RBM24: variants seen among roughly 807,000 people sequenced by gnomAD.
RBM24 encodes RNA-binding protein 24.
Under a neutral mutation model 23.6 loss-of-function variants are expected in RBM24, and 5 were observed. That is an observed-to-expected ratio of 0.21 (90% CI 0.11 to 0.45). RBM24 has a LOEUF of 0.45. Ranked by LOEUF, RBM24 falls within the 20% of genes least tolerant of loss-of-function variation. RBM24 has a pLI of 0.99. For missense variants in RBM24, 252 were observed against 314.6 expected (o/e 0.80, Z 1.51); for synonymous variants, 151 against 129.5 (o/e 1.17, Z -1.13).
rs753262029 is a variant in RBM24, at chr6:17,292,038, CGCCGCCGCTGCAGCAGCTGCT to C, written c.636_656del (p.Ala215_Ala221del). 1.0e-5 allele frequency: 16 copies of C among 1,596,448 alleles called. No individual in the cohort carries two copies. The highest frequency in any genetic ancestry group is 3.3e-5 in the Admixed American group (2 of 59,788). ...CCGCAGCGGCACCTGGGACAGCTGCCGCCGCCGCTGCAGCAGCTGCTGCCGCTGCAGCATTTGGCCAGTACC... is the reference window on the plus strand; with the variant it reads ...CCGCAGCGGCACCTGGGACAGCTGCCGCCGCTGCAGCATTTGGCCAGTACC... On this transcript the variant is annotated inframe_deletion, in exon 4 of 4. Transcript: ENST00000379052.
intron 3 of RBM24, among the ~76,000 whole-genome samples, chr6:17,287,541 G>T (rs951387870): frequency 1.2e-4 from 18 of 152,272 alleles, no homozygotes; most frequent in African/African-American, 4.1e-4. Context: ...GGTGGCTCAT[G>T]CCTGTAATCC....
At chr6:17,291,676 T>A in intron 3 of RBM24, 80 bp from the exon 4 acceptor site, 3 of 1,453,432 alleles carry the variant, frequency 2.1e-6, no homozygotes, top group Non-Finnish European at 2.8e-6. Context: ...ACCACTAAAT[T>A]TGAGTTTGTT....
In RBM24 at chr6:17,281,953, G is replaced by T; in HGVS notation, c.168+204G>T. 7.4e-7 allele frequency: 1 copy of T among 1,357,438 alleles called. No homozygotes were observed. Among genetic ancestry groups the T allele is most frequent in the South Asian group, 1.5e-5 (1 of 66,100 alleles). 84.1% of individuals were successfully genotyped at this position (1,357,438 alleles called of 1,614,324 possible). A position where few individuals can be genotyped will look rare whatever the true frequency, so the allele number is the denominator to read the frequency against. On this transcript the variant is annotated intron_variant, in intron 1 of 3. Coordinates refer to ENST00000379052, the MANE Select transcript of RBM24 (RefSeq NM_001143942.2). This position sits in a 1 kb window ranked among gnomAD's most constrained non-coding sequence, Gnocchi z 7.1. ...TCGCGGGGTTCGGAGAAGACCCAGCGCTGTGCGAGGTCGGGGGCCGGGCAG... is the reference window on the plus strand; with the variant it reads ...TCGCGGGGTTCGGAGAAGACCCAGCTCTGTGCGAGGTCGGGGGCCGGGCAG...
intron 3 of RBM24, among the ~76,000 whole-genome samples, chr6:17,287,853 G>C (rs1487417259): frequency 6.6e-6 from 1 of 151,938 alleles, no homozygotes; most frequent in Non-Finnish European, 1.5e-5. Context: ...GTTTAGATGA[G>C]GTTGAACATA....
intron 2 of RBM24, chr6:17,283,137 G>T (rs1194868277): frequency 5.3e-5 from 28 of 525,652 alleles, no homozygotes; most frequent in Non-Finnish European, 2.7e-5. Flanking sequence ...TGCAAAAATG[G>T]ATCTTGGGGG....
In RBM24 at chr6:17,284,640, G is replaced by GTA; in HGVS notation, c.293-13_293-12dup. On this transcript the variant is annotated splice_polypyrimidine_tract_variant and intron_variant, in intron 2 of 3. Coordinates refer to ENST00000379052, the MANE Select transcript of RBM24 (RefSeq NM_001143942.2). ...TAACCATGCACAAATAAAGAATGTGGTATATTTTGTTGTTAGGTTTTGCCT... is the reference window on the plus strand; with the variant it reads ...TAACCATGCACAAATAAAGAATGTGGTATATATTTTGTTGTTAGGTTTTGCCT... 1 of 1,601,124 alleles carries GTA rather than the reference G, an allele frequency of 6.2e-7. No individual in the cohort carries two copies. Among genetic ancestry groups the GTA allele is most frequent in the Non-Finnish European group, 8.5e-7 (1 of 1,170,422 alleles).
chr6:17,289,470 CA>C lies in RBM24; in HGVS notation c.348-2282del, dbSNP rs1176855121. 4 of 985,308 alleles carry C rather than the reference CA, an allele frequency of 4.1e-6. No homozygotes were observed. In the Admixed American group the frequency reaches 2.5e-4, roughly 61 times the overall value. The allele number at this position is 985,308 out of a possible 1,614,324, so 61.0% of individuals were successfully genotyped here. A position where few individuals can be genotyped will look rare whatever the true frequency, so the allele number is the denominator to read the frequency against. ...TTCTCATTGTTTGACATTGTGAAAT[CA>C]AAACTATTTCCTAATGCAAAGTAAA... On this transcript the variant is annotated intron_variant, in intron 3 of 3. Transcript: ENST00000379052.
At chr6:17,288,550 TAAA>T in intron 3 of RBM24, 1 of 985,320 alleles carries the variant, frequency 1.0e-6, no homozygotes, top group Non-Finnish European at 1.2e-6. Flanking sequence ...CAACAAAGCA[TAAA>T]AAAAGAAACA....
At chr6:17,290,662 A>C (rs1760331351) in intron 3 of RBM24, among the ~76,000 whole-genome samples, 1 of 152,354 alleles carries the variant, frequency 6.6e-6, no homozygotes, top group East Asian at 1.9e-4. Flanking sequence ...TTCGAACATA[A>C]CACTAACGTA....
intron 1 of RBM24, chr6:17,282,523 G>T: frequency 1.9e-6 from 1 of 517,548 alleles, no homozygotes. Context: ...TCTCGGCTAG[G>T]CCCTACTAAC....
intron 1 of RBM24, chr6:17,282,442 G>T: frequency 2.0e-6 from 1 of 500,392 alleles, no homozygotes; most frequent in Non-Finnish European, 3.8e-6. Flanking sequence ...CTCTGAGGCT[G>T]AGTAGGGACC....
intron 3 of RBM24, among the ~76,000 whole-genome samples, chr6:17,286,266 A>G (rs1760195267): frequency 6.7e-6 from 1 of 148,226 alleles, no homozygotes; most frequent in Non-Finnish European, 1.5e-5. Flanking sequence ...ATCCATAGCT[A>G]CTTAGCAAAT....
rs1241059782 is a variant in RBM24, at chr6:17,281,629, G to A, written c.48G>A (p.Gly16=). ...KDTTYTKIFV[G]GLPYHTTDAS... ...CGACGTACACCAAGATCTTCGTCGG[G>A]GGGCTGCCCTACCACACCACCGACG... The change falls in exon 1 of 4, where the codon GGG becomes GGA. Residue 16 remains glycine, a synonymous_variant. Transcript: ENST00000379052. This position sits in a 1 kb window ranked among gnomAD's most constrained non-coding sequence, Gnocchi z 7.1. The A allele has an allele frequency of 6.5e-7, 1 of 1,549,396 alleles. No individual in the cohort carries two copies. The highest frequency in any genetic ancestry group is 1.4e-5 in the African/African-American group (1 of 72,982).
At chr6:17,282,291 A>T in intron 1 of RBM24, 1 of 1,268,912 alleles carries the variant, frequency 7.9e-7, no homozygotes, top group South Asian at 1.2e-5. Flanking sequence ...CTTCCTTCCT[A>T]GAGATTTAAG....
chr6:17,288,626 G>C, intron 3 of RBM24: 1 of 985,444 alleles, frequency 1.0e-6, no homozygotes, highest in African/African-American at 1.7e-5. Context: ...CTAGAGCTAG[G>C]GTGAGTGGGA....
intron 3 of RBM24, chr6:17,289,050 A>G (rs1395606115): frequency 1.0e-6 from 1 of 985,302 alleles, no homozygotes; most frequent in African/African-American, 1.7e-5. Flanking sequence ...ATGGGAAGAA[A>G]AGGAAAATGT....
intron 2 of RBM24, among the ~76,000 whole-genome samples, chr6:17,284,248 A>C (rs1349394549): frequency 6.6e-6 from 1 of 152,336 alleles, no homozygotes; most frequent in East Asian, 1.9e-4. Flanking sequence ...TAAAACCCAT[A>C]ATCTTCCAAA....
intron 1 of RBM24, chr6:17,282,274 T>C (rs1243634964): frequency 7.8e-7 from 1 of 1,279,422 alleles, no homozygotes; most frequent in East Asian, 5.5e-5. Context: ...AAACAGAGCA[T>C]ATTAAGCTTC....
At position 17,281,695 on chromosome 6, in the gene RBM24, G is replaced by A; in HGVS notation, c.114G>A (p.Glu38=). 3.9e-6 allele frequency: 6 copies of A among 1,552,168 alleles called. No homozygotes were observed. Among genetic ancestry groups the A allele is most frequent in the Non-Finnish European group, 5.2e-6 (6 of 1,147,452 alleles). Residue 38 remains glutamate, a synonymous_variant, in exon 1 of 4, where the codon GAG becomes GAA. Transcript: ENST00000379052. This position sits in a 1 kb window ranked among gnomAD's most constrained non-coding sequence, Gnocchi z 7.1. ...RKYFEVFGEI[E]EAVVITDRQT... ...ACTTCGAGGTCTTCGGCGAGATCGA[G>A]GAGGCGGTGGTCATCACCGACCGGC... is the stretch of plus-strand genomic sequence containing the variant.
Sources: gnomAD v4.1 joint callset for allele counts (sites outside exome capture counted in the v4.1 genomes callset) on GRCh38, gnomAD v4.1.1 for gene constraint, Gnocchi (gnomAD v3.1) non-coding constraint, MANE v1.5 for transcripts, NCBI Gene and HGNC (gene_info 2026-07-23, HGNC 2026-07-21) for gene names.